The following PRKCE variants were observed in gnomAD, a reference collection of about 807,000 sequenced individuals.
PRKCE encodes the protein protein kinase C epsilon.
Under a neutral mutation model 85.4 loss-of-function variants are expected in PRKCE, and 16 were observed. That is an observed-to-expected ratio of 0.19 (90% CI 0.13 to 0.28). The LOEUF is 0.28. Ranked by LOEUF, PRKCE falls within the 10% of genes least tolerant of loss-of-function variation. PRKCE has a pLI of 1.00. For synonymous variants in PRKCE, 388 were observed against 371.5 expected (o/e 1.04, Z -0.51); for missense variants, 573 against 975.2 (o/e 0.59, Z 5.49).
chr2:45,819,882 G>C (rs1479831640), intron 1 of PRKCE, among the ~76,000 whole-genome samples: 1 of 152,206 alleles, frequency 6.6e-6, no homozygotes, highest in Non-Finnish European at 1.5e-5. Context: ...ACAATACAGG[G>C]AAACAATCGC....
intron 2 of PRKCE, among the ~76,000 whole-genome samples, chr2:45,974,342 G>T (rs1372263338): frequency 6.6e-6 from 1 of 152,180 alleles, no homozygotes; most frequent in African/African-American, 2.4e-5. Context: ...GGTTGGAGCA[G>T]GGTAGGAGGT....
At chr2:45,732,994 G>T (rs965945082) in intron 1 of PRKCE, among the ~76,000 whole-genome samples, 3 of 152,224 alleles carry the variant, frequency 2.0e-5, no homozygotes, top group African/African-American at 4.8e-5. Context: ...CAGAGTCTCT[G>T]CGAAAACAAC....
intron 13 of PRKCE, among the ~76,000 whole-genome samples, chr2:46,158,065 G>T (rs1553366259): frequency 6.6e-6 from 1 of 152,252 alleles, no homozygotes; most frequent in Non-Finnish European, 1.5e-5. Flanking sequence ...ATCACAATTT[G>T]CTGAGTGTAC....
chr2:46,027,053 C>G (rs1707167112), intron 10 of PRKCE, among the ~76,000 whole-genome samples: 1 of 152,140 alleles, frequency 6.6e-6, no homozygotes, highest in Admixed American at 6.5e-5. Context: ...CCTGTTGTCC[C>G]AGCTACTCTG....
chr2:46,054,106 G>T (rs1357570447), intron 10 of PRKCE, among the ~76,000 whole-genome samples: 1 of 152,128 alleles, frequency 6.6e-6, no homozygotes, highest in East Asian at 1.9e-4. Flanking sequence ...CACTTATTTT[G>T]TGCTTTTTAT....
chr2:46,084,684 T>C (rs1669412884), intron 10 of PRKCE, among the ~76,000 whole-genome samples: 1 of 139,714 alleles, frequency 7.2e-6, no homozygotes, highest in Non-Finnish European at 1.5e-5. Flanking sequence ...ATCGCACCAC[T>C]GCACTCCAGC....
At chr2:46,044,013 C>G (rs72876159) in intron 10 of PRKCE, among the ~76,000 whole-genome samples, 165 of 152,340 alleles carry the variant, frequency 1.1e-3, no homozygotes, top group African/African-American at 3.8e-3. Flanking sequence ...ACATCATGCT[C>G]TCTGTCCTTG....
intron 2 of PRKCE, among the ~76,000 whole-genome samples, chr2:45,871,314 G>C (rs181379721): frequency 1.1e-3 from 162 of 152,304 alleles, no homozygotes; most frequent in African/African-American, 3.7e-3. Context: ...AGGTTCACAC[G>C]TGCAATTGCA....
chr2:46,136,558 C>T (rs553079093), intron 11 of PRKCE, among the ~76,000 whole-genome samples: 1 of 152,300 alleles, frequency 6.6e-6, no homozygotes, highest in South Asian at 2.1e-4. Flanking sequence ...CCCACCCCAC[C>T]TTAAGTTCTT....
intron 10 of PRKCE, among the ~76,000 whole-genome samples, chr2:46,047,862 C>T (rs923777559): frequency 6.6e-6 from 1 of 152,154 alleles, no homozygotes; most frequent in Admixed American, 6.5e-5. Flanking sequence ...GACTTGCATA[C>T]AGGAAGTTTT....
intron 14 of PRKCE, among the ~76,000 whole-genome samples, chr2:46,175,902 A>T (rs1453785171): frequency 6.6e-6 from 1 of 152,050 alleles, no homozygotes; most frequent in Non-Finnish European, 1.5e-5. Flanking sequence ...TTGTTAAAAG[A>T]AGAAAGAAAG....
intron 1 of PRKCE, among the ~76,000 whole-genome samples, chr2:45,765,765 C>T (rs1437919006): frequency 1.3e-5 from 2 of 152,210 alleles, no homozygotes; most frequent in African/African-American, 4.8e-5. Flanking sequence ...TGGGCTGTCT[C>T]CAGAGCAGCT....
At chr2:45,866,673 T>C (rs1274889217) in intron 2 of PRKCE, among the ~76,000 whole-genome samples, 1 of 151,524 alleles carries the variant, frequency 6.6e-6, no homozygotes, top group African/African-American at 2.4e-5. Context: ...TTGTTCAGGA[T>C]GTAGCCACTA....
intron 1 of PRKCE, among the ~76,000 whole-genome samples, chr2:45,829,965 C>T (rs1015519440): frequency 1.4e-4 from 21 of 149,288 alleles, no homozygotes; most frequent in African/African-American, 5.0e-4. Context: ...CCCAGCTACT[C>T]GGGAGGCTGA....
At chr2:45,815,122 G>A (rs2105292374) in intron 1 of PRKCE, among the ~76,000 whole-genome samples, 1 of 152,288 alleles carries the variant, frequency 6.6e-6, no homozygotes, top group East Asian at 1.9e-4. Flanking sequence ...TAGTCCCCAA[G>A]CCAGAACCTC....
At chr2:45,744,487 T>TTC (rs751095874) in intron 1 of PRKCE, among the ~76,000 whole-genome samples, 3,172 of 30,936 alleles carry the variant, frequency 0.1, 174 homozygotes, top group Middle Eastern at 0.17. Flanking sequence ...CTTTCTTTCT[T>TTC]TTTCTTTCTT....
intron 6 of PRKCE, among the ~76,000 whole-genome samples, chr2:45,988,682 G>T (rs1345613940): frequency 6.6e-6 from 1 of 152,212 alleles, no homozygotes; most frequent in Non-Finnish European, 1.5e-5. Flanking sequence ...TGACTCAAGT[G>T]CCTGCTGCGT....
chr2:46,176,150 C>T (rs1384676123), intron 14 of PRKCE, among the ~76,000 whole-genome samples: 1 of 152,052 alleles, frequency 6.6e-6, no homozygotes, highest in African/African-American at 2.4e-5. Context: ...GAAATAGCTC[C>T]AAAGTACAAA....
chr2:45,968,260 C>A (rs1216670971), intron 2 of PRKCE, among the ~76,000 whole-genome samples: 1 of 152,174 alleles, frequency 6.6e-6, no homozygotes, highest in Non-Finnish European at 1.5e-5. Flanking sequence ...CACACACACA[C>A]ACACACACCA....
Sources: allele counts gnomAD v4.1 joint callset (sites outside exome capture counted in the v4.1 genomes callset), GRCh38; gene constraint gnomAD v4.1.1; transcripts MANE v1.5; gene names NCBI Gene and HGNC (gene_info 2026-07-23, HGNC 2026-07-21).